SLC1A2: variants seen among roughly 807,000 people sequenced by gnomAD.
The protein encoded by SLC1A2 is solute carrier family 1 member 2.
A neutral mutation model predicts 48.8 loss-of-function variants in SLC1A2; 15 were observed. The observed-to-expected ratio is 0.31, with a 90% CI of 0.21 to 0.47. The LOEUF (loss-of-function observed/expected upper bound fraction) is 0.47. SLC1A2 is among the 20% of genes least tolerant of loss of function. The pLI is 0.99. For missense variants in SLC1A2, 502 were observed against 730.5 expected (o/e 0.69, Z 3.61); for synonymous variants, 279 against 272.6 (o/e 1.02, Z -0.23).
At chr11:35,358,621 T>C (rs187844679) in intron 1 of SLC1A2, among the ~76,000 whole-genome samples, 38 of 152,344 alleles carry the variant, frequency 2.5e-4, no homozygotes, top group Middle Eastern at 3.4e-3. Context: ...GCAATTTCTG[T>C]TTCATTTGAC....
At chr11:35,304,777 C>T (rs948574195) in intron 5 of SLC1A2, among the ~76,000 whole-genome samples, 2 of 152,100 alleles carry the variant, frequency 1.3e-5, no homozygotes, top group African/African-American at 4.8e-5. Flanking sequence ...ACATGACACT[C>T]AATTACTTTT....
chr11:35,383,570 G>C (rs1854496402), intron 1 of SLC1A2, among the ~76,000 whole-genome samples: 1 of 152,296 alleles, frequency 6.6e-6, no homozygotes, highest in Admixed American at 6.5e-5. Flanking sequence ...CTGTGTTTCA[G>C]TTTCCCTGTC....
intron 9 of SLC1A2, among the ~76,000 whole-genome samples, chr11:35,278,265 T>A (rs917487148): frequency 8.7e-6 from 1 of 115,498 alleles, no homozygotes; most frequent in Non-Finnish European, 1.8e-5. Context: ...TTACTTCTGT[T>A]TTTTTTTGTT....
chr11:35,389,903 G>A (rs1366975651), intron 1 of SLC1A2, among the ~76,000 whole-genome samples: 1 of 152,150 alleles, frequency 6.6e-6, no homozygotes, highest in East Asian at 1.9e-4. Flanking sequence ...TGAGACACTG[G>A]GCCCAGCCAA....
At chr11:35,368,505 T>C (rs1331769757) in intron 1 of SLC1A2, among the ~76,000 whole-genome samples, 4 of 152,196 alleles carry the variant, frequency 2.6e-5, no homozygotes, top group South Asian at 2.1e-4. Flanking sequence ...CAAATCTATA[T>C]GGTAGGCATT....
intron 1 of SLC1A2, among the ~76,000 whole-genome samples, chr11:35,387,834 A>T (rs1178182900): frequency 2.6e-5 from 4 of 152,234 alleles, no homozygotes; most frequent in Admixed American, 6.5e-5. Context: ...AAACAAAAAC[A>T]AACAAAATCA....
In SLC1A2 at chr11:35,371,596, T is replaced by C. The variant is rs1318999479; in HGVS notation, c.17+47354A>G. 3.3e-5 allele frequency among the ~76,000 whole-genome samples: 5 copies of C among 152,236 alleles called. No homozygotes were observed. In the East Asian group the frequency reaches 9.6e-4, roughly 29 times the overall value. On this transcript the variant is annotated intron_variant, in intron 1 of 10. Coordinates refer to ENST00000278379, the MANE Select transcript of SLC1A2 (RefSeq NM_004171.4). ...AGGGAGACTCTGTGACCTCATTTAATGTTTTTAGGAGTAGGCAACATCTGC... is the reference window on the plus strand; with the variant it reads ...AGGGAGACTCTGTGACCTCATTTAACGTTTTTAGGAGTAGGCAACATCTGC...
chr11:35,271,585 G>T lies in SLC1A2; in HGVS notation c.1422-5827C>A, dbSNP rs139014794. 9.8e-3 allele frequency among the ~76,000 whole-genome samples: 1,492 copies of T among 152,238 alleles called. 29 individuals are homozygous for T. Among genetic ancestry groups the T allele is most frequent in the African/African-American group, 0.034 (1,416 of 41,530 alleles). ...ATTATCTAGGGATCAGGTGAGATGA[G>T]GGTAAGACGTTTCTCTGGGAGGCTG... On this transcript the variant is annotated intron_variant, in intron 9 of 10. Transcript: ENST00000278379.
At chr11:35,334,443 T>A (rs985086231) in intron 1 of SLC1A2, among the ~76,000 whole-genome samples, 1 of 152,210 alleles carries the variant, frequency 6.6e-6, no homozygotes, top group South Asian at 2.1e-4. Flanking sequence ...ACAGAGCGAA[T>A]CACGTTGTTG....
At chr11:35,407,542 T>C (rs61203288) in intron 1 of SLC1A2, among the ~76,000 whole-genome samples, 87,749 of 152,030 alleles carry the variant, frequency 0.58, 25,691 homozygotes, top group Middle Eastern at 0.69. Context: ...TTGACTACCA[T>C]TTATGGAAAA....
Position 35,257,894 on chromosome 11 carries a change from T to G in SLC1A2, c.*3000A>C, listed in dbSNP as rs894219289. Reference sequence around the variant, plus strand: ...TAACTGTATATAAATATAACATTTATGCATTATCAAATAGTAACAGACTAT... The same window carrying G: ...TAACTGTATATAAATATAACATTTAGGCATTATCAAATAGTAACAGACTAT... On this transcript the variant is annotated 3_prime_UTR_variant, in exon 11 of 11. Coordinates refer to ENST00000278379, the MANE Select transcript of SLC1A2 (RefSeq NM_004171.4). 1.3e-5 allele frequency: 2 copies of G among 152,260 alleles called. No homozygotes were observed. Among genetic ancestry groups the G allele is most frequent in the Non-Finnish European group, 1.5e-5 (1 of 68,050 alleles). The allele number at this position is 152,260 out of a possible 1,614,324, so 9.4% of individuals were successfully genotyped here.
At chr11:35,306,944 C>T (rs980182594) in intron 4 of SLC1A2, 4 of 152,192 alleles carry the variant, frequency 2.6e-5, no homozygotes, top group South Asian at 4.1e-4. Context: ...CAGGCTTAAA[C>T]TTGGGGGATA....
intron 1 of SLC1A2, among the ~76,000 whole-genome samples, chr11:35,330,441 G>A (rs892533820): frequency 1.3e-5 from 2 of 152,188 alleles, no homozygotes; most frequent in Non-Finnish European, 2.9e-5. Context: ...GTAATGAATA[G>A]AACCATTTAT....
intron 6 of SLC1A2, among the ~76,000 whole-genome samples, chr11:35,300,831 T>C (rs1434501323): frequency 6.6e-6 from 1 of 152,016 alleles, no homozygotes. Context: ...GCCTGGGTAA[T>C]ATAGTGAAAT....
intron 9 of SLC1A2, among the ~76,000 whole-genome samples, chr11:35,266,954 A>G (rs1950494853): frequency 6.6e-6 from 1 of 152,234 alleles, no homozygotes; most frequent in Non-Finnish European, 1.5e-5. Context: ...AGTTGTTTGC[A>G]AGGTATAAGC....
rs969376759 is a variant in SLC1A2, at chr11:35,419,282, C to T, written c.-316G>A. The T allele has an allele frequency of 2.2e-5, 7 of 318,706 alleles. No individual in the cohort carries two copies. The highest frequency in any genetic ancestry group is 1.1e-4 in the African/African-American group (5 of 46,240). The allele number at this position is 318,706 out of a possible 1,614,324, so 19.7% of individuals were successfully genotyped here. ...CGAGAGAGCGATGCGCCCAGGGCTG[C>T]AGGAGGGCGCACGCCGGCGATGCGC... On this transcript the variant is annotated 5_prime_UTR_variant, in exon 1 of 11. Coordinates refer to ENST00000278379, the MANE Select transcript of SLC1A2 (RefSeq NM_004171.4). This position sits in a 1 kb window ranked among gnomAD's most constrained non-coding sequence, Gnocchi z 5.4.
At chr11:35,287,416 G>C (rs1850860334) in intron 7 of SLC1A2, among the ~76,000 whole-genome samples, 1 of 152,160 alleles carries the variant, frequency 6.6e-6, no homozygotes, top group Non-Finnish European at 1.5e-5. Flanking sequence ...TGACTGAATG[G>C]ATTGCATTTA....
At chr11:35,320,355 A>G (rs1457417304) in intron 1 of SLC1A2, among the ~76,000 whole-genome samples, 1 of 152,218 alleles carries the variant, frequency 6.6e-6, no homozygotes, top group Admixed American at 6.5e-5. Context: ...GAGAGGAAAC[A>G]TAAAGCACAT....
chr11:35,411,543 A>T (rs1855461244), intron 1 of SLC1A2, among the ~76,000 whole-genome samples: 1 of 151,930 alleles, frequency 6.6e-6, no homozygotes, highest in African/African-American at 2.4e-5. Context: ...GCAGCCCCCA[A>T]CTCCCACGCT....
Sources: allele counts gnomAD v4.1 joint callset (sites outside exome capture counted in the v4.1 genomes callset), GRCh38; gene constraint gnomAD v4.1.1; non-coding constraint Gnocchi (gnomAD v3.1); transcripts MANE v1.5; gene names NCBI Gene and HGNC (gene_info 2026-07-23, HGNC 2026-07-21).